Variants in SLC12A8 observed in about 807,000 individuals in gnomAD.
SLC12A8 encodes solute carrier family 12 member 8.
In SLC12A8, 69 loss-of-function variants were observed where a neutral mutation model predicts 75.6. The observed-to-expected ratio is 0.91, with a 90% CI of 0.75 to 1.11. The LOEUF (loss-of-function observed/expected upper bound fraction) is 1.11, where lower values mean the gene tolerates loss of function less well. SLC12A8 is among the 50% of genes most tolerant of loss of function. The probability of loss-of-function intolerance (pLI) is 0.00; values close to 1 mark genes in which losing one functional copy is unlikely to be tolerated. For synonymous variants in SLC12A8, 365 were observed against 372.8 expected (o/e 0.98, Z 0.24); for missense variants, 877 against 896.7 (o/e 0.98, Z 0.28).
At chr3:125,176,164 T>G (rs533546567) in intron 5 of SLC12A8, among the ~76,000 whole-genome samples, 75 of 152,192 alleles carry the variant, frequency 4.9e-4, no homozygotes, top group African/African-American at 1.7e-3. Context: ...AGACAGCATA[T>G]CATCGTGCAA....
intron 8 of SLC12A8, among the ~76,000 whole-genome samples, chr3:125,117,080 G>C (rs1393437095): frequency 6.6e-6 from 1 of 152,148 alleles, no homozygotes; most frequent in Non-Finnish European, 1.5e-5. Context: ...CAAAAAATCT[G>C]CTTTTATACT....
At chr3:125,204,373 G>A (rs546507500) in intron 2 of SLC12A8, among the ~76,000 whole-genome samples, 1 of 152,238 alleles carries the variant, frequency 6.6e-6, no homozygotes, top group East Asian at 1.9e-4. Context: ...TGTGGTAAAT[G>A]TATACAATGG....
rs76682888 is a variant in SLC12A8, at chr3:125,094,945, C to T, written c.1706-2747G>A. On this transcript the variant is annotated intron_variant, in intron 10 of 13. Coordinates refer to ENST00000469902, the MANE Select transcript of SLC12A8 (RefSeq NM_024628.6). ...TTCTCCTTCTTGGAAAAATTATCCT[C>T]TAAGATGCCTCACTCTCTTGATTTT... Among the ~76,000 whole-genome samples the T allele has an allele frequency of 8.4e-3, 1,274 of 152,350 alleles. 19 individuals carry two copies. Among genetic ancestry groups the T allele is most frequent in the African/African-American group, 0.029 (1,197 of 41,582 alleles).
intron 6 of SLC12A8, among the ~76,000 whole-genome samples, chr3:125,129,090 G>T (rs1013121067): frequency 1.3e-5 from 2 of 152,174 alleles, no homozygotes; most frequent in African/African-American, 4.8e-5. Context: ...ACATTTTTTC[G>T]TGCTGGGTGT....
intron 8 of SLC12A8, among the ~76,000 whole-genome samples, chr3:125,115,816 GCGCGGGGCA>G (rs113228143): frequency 0.028 from 4,216 of 152,162 alleles, 207 homozygotes; most frequent in African/African-American, 0.094. Context: ...CAGAGGTGAT[GCGCGGGGCA>G]CACATACAGA....
At chr3:125,179,744 A>C (rs920289956) in intron 4 of SLC12A8, among the ~76,000 whole-genome samples, 1 of 152,204 alleles carries the variant, frequency 6.6e-6, no homozygotes, top group Non-Finnish European at 1.5e-5. Flanking sequence ...AGAGAAAGAC[A>C]GAGAGACTAA....
At chr3:125,177,595 T>C (rs1247073700) in intron 5 of SLC12A8, 148 bp downstream of exon 5, 1 of 639,314 alleles carries the variant, frequency 1.6e-6, no homozygotes. Context: ...AAGACACACC[T>C]GCTCACCTGA....
intron 5 of SLC12A8, among the ~76,000 whole-genome samples, chr3:125,169,188 A>G (rs1237020241): frequency 1.3e-5 from 2 of 152,262 alleles, no homozygotes; most frequent in African/African-American, 2.4e-5. Context: ...CTCATCTTAC[A>G]TAAATGAAAA....
chr3:125,113,216 C>T (rs1476747074), intron 8 of SLC12A8, among the ~76,000 whole-genome samples: 1 of 152,076 alleles, frequency 6.6e-6, no homozygotes, highest in Non-Finnish European at 1.5e-5. Context: ...ACAGACACAC[C>T]CTGGGATTCC....
chr3:125,142,800 T>C (rs1398946692), intron 5 of SLC12A8, among the ~76,000 whole-genome samples: 1 of 152,188 alleles, frequency 6.6e-6, no homozygotes, highest in East Asian at 1.9e-4. Context: ...AATTCTGAAG[T>C]CTTCCCAGCC....
intron 2 of SLC12A8, among the ~76,000 whole-genome samples, chr3:125,208,777 C>CAG (rs1935275738): frequency 8.0e-6 from 1 of 124,442 alleles, no homozygotes; most frequent in South Asian, 2.9e-4. Flanking sequence ...CACACACACA[C>CAG]ACACACACAC....
rs2107761099 is a variant in SLC12A8, at chr3:125,135,799, G to C, written c.623-17C>G. ...AACCATGTTCTGAAATAAAGCAATG[G>C]AGAGCAACGTAAGCCCAGTGAGAAG... On this transcript the variant is annotated splice_polypyrimidine_tract_variant and intron_variant, in intron 5 of 13. Coordinates refer to ENST00000469902, the MANE Select transcript of SLC12A8 (RefSeq NM_024628.6). The C allele has an allele frequency of 6.8e-7, 1 of 1,477,804 alleles. No homozygotes were observed. The highest frequency in any genetic ancestry group is 9.4e-7 in the Non-Finnish European group (1 of 1,067,530). 91.5% of individuals were successfully genotyped at this position (1,477,804 alleles called of 1,614,324 possible). A position where few individuals can be genotyped will look rare whatever the true frequency, so the allele number is the denominator to read the frequency against.
intron 8 of SLC12A8, among the ~76,000 whole-genome samples, chr3:125,117,498 A>AGGT (rs1439051886): frequency 6.6e-6 from 1 of 151,424 alleles, no homozygotes; most frequent in Non-Finnish European, 1.5e-5. Context: ...TGGGAGGCTG[A>AGGT]GGTGGGAGAA....
intron 12 of SLC12A8, among the ~76,000 whole-genome samples, chr3:125,090,623 T>A (rs1938560802): frequency 6.6e-6 from 1 of 152,242 alleles, no homozygotes; most frequent in Non-Finnish European, 1.5e-5. Flanking sequence ...AATGTTAAGC[T>A]TTGTTATGTC....
intron 2 of SLC12A8, among the ~76,000 whole-genome samples, chr3:125,195,113 G>C (rs1336482734): frequency 3.3e-5 from 5 of 152,228 alleles, no homozygotes; most frequent in African/African-American, 1.2e-4. Context: ...ACACAACAGA[G>C]GATTTTAAAT....
At chr3:125,194,585 C>A (rs780991592) in intron 2 of SLC12A8, among the ~76,000 whole-genome samples, 2 of 152,190 alleles carry the variant, frequency 1.3e-5, no homozygotes, top group Non-Finnish European at 2.9e-5. Flanking sequence ...GCCCCAGAAG[C>A]CTTTTGCCTC....
At chr3:125,165,211 C>T (rs559566787) in intron 5 of SLC12A8, among the ~76,000 whole-genome samples, 6 of 152,210 alleles carry the variant, frequency 3.9e-5, no homozygotes, top group Admixed American at 1.3e-4. Flanking sequence ...AGAAGGAGAA[C>T]GTGAATGCCA....
intron 8 of SLC12A8, among the ~76,000 whole-genome samples, chr3:125,111,946 C>T (rs373664415): frequency 7.2e-5 from 11 of 152,336 alleles, no homozygotes; most frequent in African/African-American, 2.6e-4. Flanking sequence ...CAGGATGCTG[C>T]CAACACCCCT....
At chr3:125,127,188 CCT>C (rs2107755287) in intron 6 of SLC12A8, among the ~76,000 whole-genome samples, 1 of 152,350 alleles carries the variant, frequency 6.6e-6, no homozygotes, top group East Asian at 1.9e-4. Flanking sequence ...CTTTCCCATA[CCT>C]GGCTTGTTGG....
Sources: gnomAD v4.1 joint callset for allele counts (sites outside exome capture counted in the v4.1 genomes callset) on GRCh38, gnomAD v4.1.1 for gene constraint, MANE v1.5 for transcripts, NCBI Gene and HGNC (gene_info 2026-07-23, HGNC 2026-07-21) for gene names.